Variants in PHTF1 observed in about 807,000 individuals in gnomAD.
The protein encoded by PHTF1 is putative homeodomain transcription factor 1, also known as protein PHTF1.
A neutral mutation model predicts 102.4 loss-of-function variants in PHTF1; 88 were observed. That is an observed-to-expected ratio of 0.86 (90% CI 0.72 to 1.03). The LOEUF (loss-of-function observed/expected upper bound fraction) is 1.03, where lower values mean the gene tolerates loss of function less well. PHTF1 is among the 50% of genes least tolerant of loss of function. The pLI, the probability that PHTF1 is intolerant of heterozygous loss-of-function variation, is 0.00. For synonymous variants in PHTF1, 289 were observed against 305.2 expected, an observed-to-expected ratio of 0.95 and a Z score of 0.55; for missense variants, 814 against 909.5, an observed-to-expected ratio of 0.89 and a Z score of 1.35.
At chr1:113,742,172 A>C (rs1220579560) in intron 3 of PHTF1, among the ~76,000 whole-genome samples, 1 of 152,128 alleles carries the variant, frequency 6.6e-6, no homozygotes, top group African/African-American at 2.4e-5. Flanking sequence ...AGTCACACAA[A>C]TCTTGATGGT....
intron 15 of PHTF1, 62 bp downstream of exon 15, chr1:113,704,019 A>C: frequency 9.5e-7 from 1 of 1,051,410 alleles, no homozygotes. Context: ...TAAGTCTAAA[A>C]CAGAAAGTGA....
chr1:113,718,669 C>T (rs927409410), intron 7 of PHTF1, among the ~76,000 whole-genome samples: 19 of 152,382 alleles, frequency 1.2e-4, no homozygotes, highest in Admixed American at 7.8e-4. Flanking sequence ...CTCGATACCA[C>T]GTAGAAGCTG....
At chr1:113,701,839 A>AAAAAAAAAAAAAAAAAAG (rs1649484159) in intron 15 of PHTF1, among the ~76,000 whole-genome samples, 1 of 142,540 alleles carries the variant, frequency 7.0e-6, no homozygotes, top group Non-Finnish European at 1.5e-5. Flanking sequence ...AAAAAAAAAA[A>AAAAAAAAAAAAAAAAAAG]AAAAAAAAAA....
At chr1:113,703,345 A>G (rs1649652046) in intron 15 of PHTF1, among the ~76,000 whole-genome samples, 1 of 152,372 alleles carries the variant, frequency 6.6e-6, no homozygotes, top group East Asian at 1.9e-4. Flanking sequence ...AAAATTCAAT[A>G]AAATTCAAAA....
intron 17 of PHTF1, 112 bp downstream of exon 17, chr1:113,699,592 A>G: frequency 1.5e-6 from 1 of 686,214 alleles, no homozygotes; most frequent in East Asian, 2.7e-5. Flanking sequence ...GGAAGAGTCC[A>G]CTTCCAGGAC....
At chr1:113,713,484 A>C in intron 7 of PHTF1, 46 bp from the exon 8 acceptor site, 3 of 1,042,502 alleles carry the variant, frequency 2.9e-6, no homozygotes, top group Non-Finnish European at 4.3e-6. Context: ...TGAAAGTAAC[A>C]CCTTTCATGA....
intron 5 of PHTF1, among the ~76,000 whole-genome samples, chr1:113,735,917 T>C (rs933335603): frequency 1.3e-5 from 2 of 152,128 alleles, no homozygotes; most frequent in African/African-American, 4.8e-5. Context: ...TGGTAGACAA[T>C]GGGGATACAG....
chr1:113,704,170 G>T lies in PHTF1; in HGVS notation c.1804-3C>A. 1.2e-6 allele frequency: 2 copies of T among 1,604,356 alleles called. No homozygotes were observed. The highest frequency in any genetic ancestry group is 1.7e-6 in the Non-Finnish European group (2 of 1,172,146). The stretch of plus-strand genomic sequence containing the variant: ...ACTGAACGCTGTGGCCCCCGTCTCT[G>T]TGGAGTGAGACACATGTGTTAATGT... On this transcript the variant is annotated splice_polypyrimidine_tract_variant and splice_region_variant and intron_variant, in intron 14 of 18. Coordinates refer to ENST00000369604, the MANE Select transcript of PHTF1 (RefSeq NM_001323043.2).
chr1:113,731,732 T>C (rs1654678946), intron 5 of PHTF1, among the ~76,000 whole-genome samples: 1 of 151,000 alleles, frequency 6.6e-6, no homozygotes, highest in Non-Finnish European at 1.5e-5. Context: ...CCGTCTCTAC[T>C]AAAAATACAA....
rs749964684 is a variant in PHTF1 at position 113,735,365 on chromosome 1, C to CAAAAAAAA, written c.331+2737_331+2744dup. Among the ~76,000 whole-genome samples the CAAAAAAAA allele has an allele frequency of 2.5e-4, 7 of 28,446 alleles. 2 individuals carry two copies. The highest frequency in any genetic ancestry group is 3.9e-4 in the African/African-American group (3 of 7,662). 18.7% of individuals were successfully genotyped at this position (28,446 alleles called of 152,430 possible). ...TGGACAACAGAATGAGACTCTGTCT[C>CAAAAAAAA]AAAAAAAAAAAAAAAAAAAAAAAAA... On this transcript the variant is annotated intron_variant, in intron 5 of 18. Transcript: ENST00000369604.
intron 12 of PHTF1, 68 bp from the exon 13 acceptor site, chr1:113,706,230 C>A: frequency 7.7e-7 from 1 of 1,300,408 alleles, no homozygotes; most frequent in Admixed American, 2.2e-5. Flanking sequence ...CAGTATTTAT[C>A]AAACACTATT....
Position 113,706,700 on chromosome 1 carries a change from T to C in PHTF1, c.1292A>G (p.Asn431Ser), listed in dbSNP as rs1226004158. 6.2e-7 allele frequency: 1 copy of C among 1,607,062 alleles called. No homozygotes were observed. The highest frequency in any genetic ancestry group is 1.3e-5 in the African/African-American group (1 of 74,590). Residue 431 changes from asparagine to serine, a missense_variant, in exon 12 of 19, where the codon AAT becomes AGT. Transcript: ENST00000369604. ...AACTCGATCAGAGGAAGGACTTGAA[T>C]TCTGAAGCCAGAATAAATGATTCTG... is the stretch of plus-strand genomic sequence containing the variant. ...FQQNHLFWLQ[N>S]SSPSSDRVSA...
At chr1:113,715,019 A>G (rs1481576461) in intron 7 of PHTF1, 2 of 152,310 alleles carry the variant, frequency 1.3e-5, no homozygotes, top group African/African-American at 4.8e-5. Context: ...ATCTGACCCA[A>G]GACCACCAAG....
In PHTF1 at chr1:113,752,969, C is replaced by T. The variant is rs1275286492; in HGVS notation, c.102+4730G>A. Among the ~76,000 whole-genome samples the T allele has an allele frequency of 2.0e-5, 3 of 152,136 alleles. No homozygotes were observed. In the East Asian group the frequency reaches 5.8e-4, roughly 29 times the overall value. On this transcript the variant is annotated intron_variant, in intron 3 of 18. Transcript: ENST00000369604. ...CCTTTACTATGTTGAAGAAGTTCCC[C>T]TAAGAACCTAGTTTATTATTAATAG...
intron 3 of PHTF1, among the ~76,000 whole-genome samples, chr1:113,739,666 T>C (rs1197298883): frequency 6.6e-6 from 1 of 152,200 alleles, no homozygotes; most frequent in Admixed American, 6.5e-5. Context: ...TACAGAACAC[T>C]AAACCTTATT....
intron 7 of PHTF1, among the ~76,000 whole-genome samples, chr1:113,716,129 A>G (rs933052448): frequency 5.9e-5 from 9 of 152,120 alleles, no homozygotes; most frequent in African/African-American, 2.2e-4. Flanking sequence ...ATACAATACC[A>G]AACAGATTTA....
intron 7 of PHTF1, among the ~76,000 whole-genome samples, chr1:113,724,241 A>G (rs1173365850): frequency 6.6e-6 from 1 of 152,224 alleles, no homozygotes. Context: ...TAGAACTACC[A>G]TATGATCCAG....
chr1:113,744,210 T>A (rs1376120298), intron 3 of PHTF1, among the ~76,000 whole-genome samples: 1 of 152,204 alleles, frequency 6.6e-6, no homozygotes, highest in African/African-American at 2.4e-5. Context: ...CCCTCTCTAC[T>A]GTCTGCCCCC....
At chr1:113,699,897 A>C in intron 16 of PHTF1, 98 bp from the exon 17 acceptor site, 1 of 701,172 alleles carries the variant, frequency 1.4e-6, no homozygotes, top group Non-Finnish European at 2.3e-6. Context: ...TTCAAGTAAA[A>C]TAAATTTTGA....
Sources: allele counts gnomAD v4.1 joint callset (sites outside exome capture counted in the v4.1 genomes callset), GRCh38; gene constraint gnomAD v4.1.1; transcripts MANE v1.5; gene names NCBI Gene and HGNC (gene_info 2026-07-23, HGNC 2026-07-21).